Variants in DAAM1 observed in about 807,000 individuals in gnomAD.
DAAM1 encodes dishevelled associated activator of morphogenesis 1, also known as disheveled-associated activator of morphogenesis 1.
Under a neutral mutation model 130.0 loss-of-function variants are expected in DAAM1, and 52 were observed. The ratio of observed to expected loss-of-function variants is 0.40; its 90% CI spans 0.32 to 0.50. The LOEUF is 0.50. Among genes scored for constraint, DAAM1 ranks in the 20% least tolerant of loss-of-function variants. The pLI is 0.61. For missense variants in DAAM1, 1,134 were observed against 1,303.8 expected (o/e 0.87, Z 2.01); for synonymous variants, 452 against 444.5 (o/e 1.02, Z -0.21).
chr14:59,333,081 C>T (rs1158722377), intron 15 of DAAM1, among the ~76,000 whole-genome samples: 24 of 152,046 alleles, frequency 1.6e-4, no homozygotes, highest in Admixed American at 1.6e-3. Flanking sequence ...CTAAGGGTTT[C>T]TTGTTTCATT....
At chr14:59,236,438 T>C (rs1448865800) in intron 1 of DAAM1, among the ~76,000 whole-genome samples, 1 of 152,166 alleles carries the variant, frequency 6.6e-6, no homozygotes, top group African/African-American at 2.4e-5. Context: ...TTTTTGTTTT[T>C]GAGCATGCCT....
chr14:59,295,206 G>A (rs868704605), intron 3 of DAAM1, among the ~76,000 whole-genome samples: 3 of 152,172 alleles, frequency 2.0e-5, no homozygotes, highest in South Asian at 2.1e-4. Flanking sequence ...TAAGTAAATG[G>A]TATTAGATTG....
chr14:59,340,946 A>G (rs1052670051), intron 16 of DAAM1, among the ~76,000 whole-genome samples: 3 of 152,248 alleles, frequency 2.0e-5, no homozygotes, highest in African/African-American at 7.2e-5. Flanking sequence ...TTTAAAGATA[A>G]GTTACATTCT....
intron 1 of DAAM1, among the ~76,000 whole-genome samples, chr14:59,240,821 G>A (rs1881079074): frequency 6.6e-6 from 1 of 152,242 alleles, no homozygotes; most frequent in African/African-American, 2.4e-5. Context: ...GATTGGCGAA[G>A]CCAATGCCAT....
At chr14:59,321,982 A>C (rs573357246) in intron 5 of DAAM1, among the ~76,000 whole-genome samples, 1 of 152,234 alleles carries the variant, frequency 6.6e-6, no homozygotes, top group Non-Finnish European at 1.5e-5. Flanking sequence ...TGTAAGAAAT[A>C]TTAATAACGT....
chr14:59,277,627 G>A (rs1883028695), intron 2 of DAAM1, among the ~76,000 whole-genome samples: 1 of 152,008 alleles, frequency 6.6e-6, no homozygotes, highest in East Asian at 1.9e-4. Context: ...GAGGCATGAT[G>A]CTTGATGCAA....
chr14:59,352,686 A>G, intron 18 of DAAM1, 54 bp downstream of exon 18: 1 of 1,477,316 alleles, frequency 6.8e-7, no homozygotes, highest in South Asian at 1.2e-5. Flanking sequence ...TCTAAGCTTC[A>G]TGAATTTTCA....
intron 1 of DAAM1, among the ~76,000 whole-genome samples, chr14:59,204,281 T>C (rs1888195339): frequency 6.6e-6 from 1 of 152,206 alleles, no homozygotes; most frequent in African/African-American, 2.4e-5. Flanking sequence ...CATGAAGTGT[T>C]GGCAGAATTT....
chr14:59,332,887 G>T (rs1411989409), intron 15 of DAAM1, among the ~76,000 whole-genome samples: 1 of 152,034 alleles, frequency 6.6e-6, no homozygotes, highest in Non-Finnish European at 1.5e-5. Context: ...CTCTTACGGG[G>T]CTTTCCTTGG....
intron 3 of DAAM1, among the ~76,000 whole-genome samples, chr14:59,293,365 G>C (rs951178018): frequency 2.0e-5 from 3 of 152,170 alleles, no homozygotes; most frequent in African/African-American, 7.2e-5. Flanking sequence ...TGCAGCTGCT[G>C]CTCATTTTTC....
intron 1 of DAAM1, among the ~76,000 whole-genome samples, chr14:59,224,887 G>A (rs756962518): frequency 6.6e-6 from 1 of 152,164 alleles, no homozygotes; most frequent in African/African-American, 2.4e-5. Context: ...CACTGTGTGA[G>A]GGAACGGTGC....
At chr14:59,350,837 G>T (rs970873662) in intron 17 of DAAM1, among the ~76,000 whole-genome samples, 2 of 152,036 alleles carry the variant, frequency 1.3e-5, no homozygotes, top group African/African-American at 4.8e-5. Context: ...CTTGAATGCT[G>T]GTTCTCTTCA....
At chr14:59,203,158 A>ATTTTTTTTTTTTTTT (rs57437992) in intron 1 of DAAM1, among the ~76,000 whole-genome samples, 3 of 108,116 alleles carry the variant, frequency 2.8e-5, no homozygotes, top group African/African-American at 6.9e-5. Context: ...CTTCTGGCTA[A>ATTTTTTTTTTTTTTT]TTTTTTTTTT....
rs967657010 is a variant in DAAM1 at position 59,353,886 on chromosome 14, T to A, written c.2278T>A (p.Tyr760Asn). The stretch of plus-strand genomic sequence containing the variant: ...TGTTTGCTCTTACAGAATTAATCAC[T>A]ATCAGCAAAGGTTGCAATCGCTGTA... ...FLFEMSRINH[Y>N]QQRLQSLYFK... The change falls in exon 19 of 25, where the codon TAT (tyrosine) becomes AAT (asparagine). Residue 760 changes from tyrosine (Y) to asparagine (N), a missense_variant. Tyr to Asn is a moderately radical substitution (Grantham distance 143). Coordinates refer to ENST00000360909, the MANE Select transcript of DAAM1 (RefSeq NM_001270520.2). 1.9e-6 allele frequency: 3 copies of A among 1,613,962 alleles called. No homozygotes were observed. Among genetic ancestry groups the A allele is most frequent in the Non-Finnish European group, 2.5e-6 (3 of 1,179,902 alleles).
intron 1 of DAAM1, among the ~76,000 whole-genome samples, chr14:59,215,070 A>G (rs1204095001): frequency 6.6e-6 from 1 of 152,214 alleles, no homozygotes; most frequent in Non-Finnish European, 1.5e-5. Flanking sequence ...GGAGTCAGGG[A>G]CCTGAATGAT....
At chr14:59,280,671 A>C (rs1212755594) in intron 2 of DAAM1, among the ~76,000 whole-genome samples, 1 of 151,678 alleles carries the variant, frequency 6.6e-6, no homozygotes, top group Non-Finnish European at 1.5e-5. Flanking sequence ...TACCAATAAC[A>C]TATAGCAATG....
chr14:59,369,713 A>G lies in DAAM1; in HGVS notation c.*854A>G, dbSNP rs1173970969. ...TTAAAAATAATAAAATATCTCACCC[A>G]AGACTTAAAGGAAGAATTCTCTGAA... On this transcript the variant is annotated 3_prime_UTR_variant, in exon 25 of 25. Transcript: ENST00000360909. 1.3e-5 allele frequency: 2 copies of G among 149,884 alleles called. No individual in the cohort carries two copies. The highest frequency in any genetic ancestry group is 2.1e-4 in the South Asian group (1 of 4,718). The allele number at this position is 149,884 out of a possible 1,614,324, so 9.3% of individuals were successfully genotyped here. A position where few individuals can be genotyped will look rare whatever the true frequency, so the allele number is the denominator to read the frequency against.
chr14:59,204,527 A>G (rs1888203286), intron 1 of DAAM1, among the ~76,000 whole-genome samples: 3 of 152,170 alleles, frequency 2.0e-5, no homozygotes. Context: ...ACCCAGGGTA[A>G]TCTTCTTTTG....
At chr14:59,366,245 A>AAGAT (rs892264321) in intron 23 of DAAM1, among the ~76,000 whole-genome samples, 8 of 152,106 alleles carry the variant, frequency 5.3e-5, no homozygotes, top group South Asian at 4.1e-4. Flanking sequence ...ATTTTTTTTA[A>AAGAT]AGATTGGCAT....
Sources: gnomAD v4.1 joint callset for allele counts (sites outside exome capture counted in the v4.1 genomes callset) on GRCh38, gnomAD v4.1.1 for gene constraint, MANE v1.5 for transcripts, NCBI Gene and HGNC (gene_info 2026-07-23, HGNC 2026-07-21) for gene names.